The following XYLB variants were observed in gnomAD, a reference collection of about 807,000 sequenced individuals.
XYLB encodes the protein xylulose kinase.
In XYLB, 62 loss-of-function variants were observed where a neutral mutation model predicts 78.7. That is an observed-to-expected ratio of 0.79 (90% CI 0.64 to 0.97). XYLB has a LOEUF of 0.97. Among genes scored for constraint, XYLB ranks in the 50% least tolerant of loss-of-function variants. The pLI is 0.00. For synonymous variants in XYLB, 245 were observed against 247.4 expected (o/e 0.99, Z 0.09); for missense variants, 687 against 676.8 (o/e 1.02, Z -0.17).
chr3:38,400,644 A>G (rs1345674021), intron 17 of XYLB, among the ~76,000 whole-genome samples: 1 of 152,168 alleles, frequency 6.6e-6, no homozygotes, highest in African/African-American at 2.4e-5. Context: ...CCTGCTGGAG[A>G]CAAGCCTGCA....
intron 15 of XYLB, among the ~76,000 whole-genome samples, chr3:38,381,985 T>C (rs903030770): frequency 6.6e-6 from 1 of 152,204 alleles, no homozygotes. Flanking sequence ...AATAAAAACT[T>C]GCTGGTTTTT....
At chr3:38,376,060 A>G (rs1029088798) in intron 12 of XYLB, 57 bp from the exon 13 acceptor site, 7 of 1,198,870 alleles carry the variant, frequency 5.8e-6, no homozygotes, top group Admixed American at 1.7e-5. Context: ...ACTGAAACTC[A>G]TGGGTCCAGT....
chr3:38,366,962 G>A lies in XYLB; in HGVS notation c.573+89G>A, dbSNP rs2234616. On this transcript the variant is annotated intron_variant, in intron 7 of 18. Transcript: ENST00000207870. ...TAGATACATCTTACGTGCAGTGACT[G>A]AAAACATTGATAAGCAGACATTAAC... The A allele has an allele frequency of 0.019, 16,238 of 869,514 alleles. 1,122 individuals carry two copies. In the East Asian group the frequency reaches 0.21, roughly 11 times the overall value. The allele number at this position is 869,514 out of a possible 1,614,324, so 53.9% of individuals were successfully genotyped here.
chr3:38,373,906 C>A (rs1706707001), intron 10 of XYLB, among the ~76,000 whole-genome samples: 1 of 152,118 alleles, frequency 6.6e-6, no homozygotes, highest in Admixed American at 6.5e-5. Flanking sequence ...GTAGTCTTAG[C>A]TACTTGGGAG....
At chr3:38,378,026 T>A (rs9876102) in intron 14 of XYLB, among the ~76,000 whole-genome samples, 6,780 of 152,238 alleles carry the variant, frequency 0.045, 449 homozygotes, top group African/African-American at 0.15. Flanking sequence ...CTGAGAGATG[T>A]TTCTGACCCC....
At chr3:38,418,546 G>A (rs1575556292), downstream of XYLB, among the ~76,000 whole-genome samples, 2 of 152,110 alleles carry the variant, frequency 1.3e-5, no homozygotes, top group Non-Finnish European at 2.9e-5. Flanking sequence ...AAGTACTTGG[G>A]AAAAGGCACA....
chr3:38,382,839 A>C (rs1398965031), intron 15 of XYLB, among the ~76,000 whole-genome samples: 2 of 152,256 alleles, frequency 1.3e-5, no homozygotes, highest in African/African-American at 4.8e-5. Flanking sequence ...GCAAAACAGC[A>C]TAGAGTTACT....
the XYLB span, among the ~76,000 whole-genome samples, chr3:38,429,177 G>C: frequency 6.6e-6 from 1 of 152,078 alleles, no homozygotes; most frequent in Non-Finnish European, 1.5e-5. Flanking sequence ...AGCTTCATGT[G>C]GGCTTGGCCA....
intron 8 of XYLB, 79 bp from the exon 9 acceptor site, chr3:38,369,977 T>C: frequency 1.7e-6 from 2 of 1,206,956 alleles, no homozygotes; most frequent in Non-Finnish European, 2.5e-6. Context: ...GAGAATTATC[T>C]GCTCTGTGCC....
At chr3:38,383,699 G>A (rs1432127919) in intron 15 of XYLB, among the ~76,000 whole-genome samples, 4 of 152,078 alleles carry the variant, frequency 2.6e-5, no homozygotes, top group South Asian at 2.1e-4. Context: ...GCAGGAGGCC[G>A]GGGGGATCGC....
intron 18 of XYLB, among the ~76,000 whole-genome samples, chr3:38,410,080 A>G (rs2125675947): frequency 6.6e-6 from 1 of 152,368 alleles, no homozygotes; most frequent in African/African-American, 2.4e-5. Context: ...CGCCAAGTCA[A>G]TCCTAAGCCA....
At chr3:38,415,149 C>T (rs538975017), downstream of XYLB, among the ~76,000 whole-genome samples, 301 of 152,290 alleles carry the variant, frequency 2.0e-3, 1 homozygote, top group South Asian at 5.4e-3. Flanking sequence ...AAAGGAAAGA[C>T]CTGGTTGGCC....
downstream of XYLB, among the ~76,000 whole-genome samples, chr3:38,417,040 AG>A (rs1234832536): frequency 6.6e-6 from 1 of 152,248 alleles, no homozygotes; most frequent in East Asian, 1.9e-4. Context: ...ACTGAAGTTA[AG>A]GAGACAAAAA....
At chr3:38,396,478 C>G (rs1400814710) in intron 16 of XYLB, among the ~76,000 whole-genome samples, 2 of 152,168 alleles carry the variant, frequency 1.3e-5, no homozygotes, top group African/African-American at 2.4e-5. Flanking sequence ...GTGCTGCAAG[C>G]CATTAGTAGC....
chr3:38,429,004 G>T, the XYLB span, among the ~76,000 whole-genome samples: 13 of 152,160 alleles, frequency 8.5e-5, no homozygotes, highest in Admixed American at 7.9e-4. Context: ...ATAGCTTTCT[G>T]CTGACAGACC....
At chr3:38,372,916 C>T (rs1706650333) in intron 10 of XYLB, among the ~76,000 whole-genome samples, 180 bp downstream of exon 10, 1 of 152,060 alleles carries the variant, frequency 6.6e-6, no homozygotes, top group African/African-American at 2.4e-5. Flanking sequence ...GTGGTCATTC[C>T]TCACCACTCC....
At chr3:38,388,139 G>C (rs1320587570) in intron 15 of XYLB, among the ~76,000 whole-genome samples, 1 of 149,766 alleles carries the variant, frequency 6.7e-6, no homozygotes, top group African/African-American at 2.4e-5. Flanking sequence ...CTTCTATCAG[G>C]AAGTGCGGGT....
At chr3:38,386,362 G>A (rs1707382974) in intron 15 of XYLB, among the ~76,000 whole-genome samples, 1 of 152,044 alleles carries the variant, frequency 6.6e-6, no homozygotes, top group Admixed American at 6.6e-5. Context: ...AGGTAGGAAG[G>A]TAGACAGGCA....
At chr3:38,445,058 A>G in the XYLB span, among the ~76,000 whole-genome samples, 5 of 152,174 alleles carry the variant, frequency 3.3e-5, no homozygotes, top group African/African-American at 1.2e-4. Flanking sequence ...AAAACCTATT[A>G]GAGTCCTAAG....
Sources: gnomAD v4.1 joint callset for allele counts (sites outside exome capture counted in the v4.1 genomes callset) on GRCh38, gnomAD v4.1.1 for gene constraint, MANE v1.5 for transcripts, NCBI Gene and HGNC (gene_info 2026-07-23, HGNC 2026-07-21) for gene names.